GRK3: variants seen among roughly 807,000 people sequenced by gnomAD.
The protein encoded by GRK3 is G protein-coupled receptor kinase 3.
A neutral mutation model predicts 95.7 loss-of-function variants in GRK3; 54 were observed. The observed-to-expected ratio is 0.56, with a 90% CI of 0.45 to 0.71. The LOEUF is 0.71. GRK3 is among the 30% of genes least tolerant of loss of function. The pLI is 0.00. For synonymous variants in GRK3, 281 were observed against 290.8 expected, an observed-to-expected ratio of 0.97 and a Z score of 0.34; for missense variants, 649 against 851.2, an observed-to-expected ratio of 0.76 and a Z score of 2.96.
intron 3 of GRK3, chr22:25,647,502 G>A (rs1242985619): frequency 7.0e-7 from 1 of 1,426,120 alleles, no homozygotes; most frequent in East Asian, 2.3e-5. Flanking sequence ...CATTCTCAGT[G>A]GTGCCAAGTT....
At chr22:25,635,424 T>C (rs896983789) in intron 2 of GRK3, among the ~76,000 whole-genome samples, 1 of 152,168 alleles carries the variant, frequency 6.6e-6, no homozygotes, top group Non-Finnish European at 1.5e-5. Flanking sequence ...ATAATACTAC[T>C]GTCTAATCCA....
chr22:25,696,434 T>G (rs2085209500), intron 13 of GRK3, among the ~76,000 whole-genome samples: 1 of 152,242 alleles, frequency 6.6e-6, no homozygotes, highest in Non-Finnish European at 1.5e-5. Flanking sequence ...TCTCAAAATA[T>G]GTTCTCATAT....
At chr22:25,573,357 T>C (rs894216382) in intron 1 of GRK3, among the ~76,000 whole-genome samples, 9 of 152,222 alleles carry the variant, frequency 5.9e-5, no homozygotes, top group African/African-American at 2.2e-4. Context: ...CCTCTGAAGT[T>C]CCATTTTAGG....
chr22:25,596,231 G>T (rs2084371670), intron 1 of GRK3, among the ~76,000 whole-genome samples: 2 of 152,188 alleles, frequency 1.3e-5, no homozygotes, highest in Non-Finnish European at 2.9e-5. Flanking sequence ...TCGTGGGTAG[G>T]TAGGTGAAAA....
At chr22:25,630,151 A>T (rs919053423) in intron 2 of GRK3, among the ~76,000 whole-genome samples, 1 of 152,192 alleles carries the variant, frequency 6.6e-6, no homozygotes, top group African/African-American at 2.4e-5. Flanking sequence ...ACTCATGTGT[A>T]TCGATTGGTT....
At chr22:25,638,367 T>C (rs975568549) in intron 2 of GRK3, among the ~76,000 whole-genome samples, 1 of 152,180 alleles carries the variant, frequency 6.6e-6, no homozygotes, top group African/African-American at 2.4e-5. Flanking sequence ...AGCAAAGATA[T>C]TTGCTTAACA....
chr22:25,607,104 A>G (rs545600068), intron 2 of GRK3, among the ~76,000 whole-genome samples: 1 of 152,244 alleles, frequency 6.6e-6, no homozygotes, highest in Non-Finnish European at 1.5e-5. Flanking sequence ...GTGTGTATAT[A>G]TATATATTTA....
intron 1 of GRK3, among the ~76,000 whole-genome samples, chr22:25,587,587 C>A (rs1026029555): frequency 1.3e-5 from 2 of 152,088 alleles, no homozygotes; most frequent in East Asian, 1.9e-4. Context: ...TACCACCATG[C>A]CTGGGTAATT....
At chr22:25,669,296 C>A (rs951559061) in intron 6 of GRK3, among the ~76,000 whole-genome samples, 4 of 152,130 alleles carry the variant, frequency 2.6e-5, no homozygotes, top group Non-Finnish European at 5.9e-5. Flanking sequence ...CCCACCTTCC[C>A]TGAGGTCCAA....
intron 19 of GRK3, among the ~76,000 whole-genome samples, chr22:25,719,776 T>G (rs2085416962): frequency 6.6e-6 from 1 of 151,998 alleles, no homozygotes; most frequent in Non-Finnish European, 1.5e-5. Flanking sequence ...GTGTTGGATA[T>G]GTTGGAATAC....
In GRK3 at chr22:25,727,211, A is replaced by T. The variant is rs1490575287; in HGVS notation, c.*4761A>T. The stretch of plus-strand genomic sequence containing the variant: ...TTAAATTTTTTCCTAAAGATTTAAC[A>T]TGATTTTTCCCTCCTATGTAAAGTT... On this transcript the variant is annotated 3_prime_UTR_variant, in exon 21 of 21. Transcript: ENST00000324198. 2.0e-5 allele frequency: 3 copies of T among 152,206 alleles called. No individual in the cohort carries two copies. Among genetic ancestry groups the T allele is most frequent in the Non-Finnish European group, 2.9e-5 (2 of 68,030 alleles). 9.4% of individuals were successfully genotyped at this position (152,206 alleles called of 1,614,324 possible).
intron 15 of GRK3, among the ~76,000 whole-genome samples, chr22:25,707,119 C>T (rs1357912668): frequency 6.6e-6 from 1 of 152,134 alleles, no homozygotes; most frequent in Non-Finnish European, 1.5e-5. Flanking sequence ...CCATGCCTGT[C>T]TCCTGTGGTG....
intron 2 of GRK3, among the ~76,000 whole-genome samples, chr22:25,636,452 C>T (rs1202452117): frequency 6.6e-6 from 1 of 152,182 alleles, no homozygotes; most frequent in East Asian, 1.9e-4. Flanking sequence ...CTCTTATTAT[C>T]CTCAATATAT....
chr22:25,597,614 A>C (rs2084380884), intron 1 of GRK3, among the ~76,000 whole-genome samples: 1 of 152,172 alleles, frequency 6.6e-6, no homozygotes, highest in South Asian at 2.1e-4. Flanking sequence ...AGAGAACCCC[A>C]AGCAGGGTAA....
chr22:25,604,527 A>G, intron 2 of GRK3, 74 bp downstream of exon 2: 6 of 996,554 alleles, frequency 6.0e-6, no homozygotes, highest in Non-Finnish European at 9.1e-6. Context: ...TAATATATGA[A>G]TGCACCCCCT....
chr22:25,648,857 A>G (rs1359707024), intron 3 of GRK3: 1 of 1,026,772 alleles, frequency 9.7e-7, no homozygotes, highest in Admixed American at 1.7e-5. Context: ...TTGGTTTAGC[A>G]AGGTTAATTG....
chr22:25,702,170 G>A (rs770946524), intron 13 of GRK3, among the ~76,000 whole-genome samples: 1 of 151,790 alleles, frequency 6.6e-6, no homozygotes, highest in Non-Finnish European at 1.5e-5. Context: ...AGGAAATAAA[G>A]GACTAGAGTG....
At chr22:25,688,166 G>T (rs1374706322) in intron 11 of GRK3, among the ~76,000 whole-genome samples, 9 of 149,956 alleles carry the variant, frequency 6.0e-5, no homozygotes, top group African/African-American at 2.2e-4. Flanking sequence ...AACCTGGGAG[G>T]CAGAGCTTGC....
intron 11 of GRK3, 131 bp from the exon 12 acceptor site, chr22:25,690,058 T>C (rs897905685): frequency 1.6e-6 from 1 of 644,174 alleles, no homozygotes; most frequent in Admixed American, 2.9e-5. Context: ...TGTGATGGGC[T>C]AAAGCTATAA....
Sources: gnomAD v4.1 joint callset for allele counts (sites outside exome capture counted in the v4.1 genomes callset) on GRCh38, gnomAD v4.1.1 for gene constraint, MANE v1.5 for transcripts, NCBI Gene and HGNC (gene_info 2026-07-23, HGNC 2026-07-21) for gene names.